GARRE1: variants seen among roughly 807,000 people sequenced by gnomAD.
GARRE1 encodes the protein granule associated Rac and RHOG effector protein 1.
A neutral mutation model predicts 103.2 loss-of-function variants in GARRE1; 49 were observed. The ratio of observed to expected loss-of-function variants is 0.47; its 90% CI spans 0.38 to 0.60. GARRE1 has a LOEUF of 0.60. GARRE1 is among the 20% of genes least tolerant of loss of function. The probability of loss-of-function intolerance (pLI) is 0.00; values close to 1 mark genes in which losing one functional copy is unlikely to be tolerated. For missense variants in GARRE1, 1,199 were observed against 1,370.5 expected (o/e 0.87, Z 1.98); for synonymous variants, 505 against 532.8 (o/e 0.95, Z 0.72).
At chr19:34,283,234 CTTAA>C (rs778054966) in intron 1 of GARRE1, among the ~76,000 whole-genome samples, 15 of 152,268 alleles carry the variant, frequency 9.9e-5, no homozygotes, top group Non-Finnish European at 1.3e-4. Flanking sequence ...GATGGGAAAA[CTTAA>C]TTAATTAATT....
Position 34,352,689 on chromosome 19 carries a change from C to T in GARRE1, c.2947C>T (p.His983Tyr). ...GTGGCCACCCAAAGCACCCTGGCAG[C>T]ACCCTTCCCCGCTTCCCAGCACGCT... ...KTWPPKAPWQ[H>Y]PSPLPSTLPS... The change falls in exon 14 of 14, where the codon CAC becomes TAC. Residue 983 changes from histidine to tyrosine, a missense_variant. By Grantham distance (83) the His-to-Tyr change is moderately conservative. Transcript: ENST00000299505. 1 of 1,613,406 alleles carries T rather than the reference C, an allele frequency of 6.2e-7. No individual in the cohort carries two copies. The highest frequency in any genetic ancestry group is 8.5e-7 in the Non-Finnish European group (1 of 1,179,444).
intron 1 of GARRE1, among the ~76,000 whole-genome samples, chr19:34,292,869 C>T (rs1349701720): frequency 2.0e-5 from 3 of 152,034 alleles, no homozygotes; most frequent in Admixed American, 1.3e-4. Flanking sequence ...CCAAGTCACC[C>T]AGCTAATTTT....
intron 7 of GARRE1, among the ~76,000 whole-genome samples, chr19:34,330,981 C>T (rs1446566654): frequency 1.3e-5 from 2 of 151,064 alleles, no homozygotes; most frequent in Admixed American, 1.3e-4. Context: ...CTCACCACAA[C>T]CTCTGCCTCC....
intron 8 of GARRE1, 101 bp from the exon 9 acceptor site, chr19:34,339,766 G>T (rs1402557727): frequency 2.1e-6 from 3 of 1,433,238 alleles, no homozygotes; most frequent in African/African-American, 2.8e-5. Context: ...TTTGCTGGGC[G>T]CCAGAGGTAC....
chr19:34,355,267 G>C lies in GARRE1; in HGVS notation c.*2312G>C, dbSNP rs1222582059. On this transcript the variant is annotated 3_prime_UTR_variant, in exon 14 of 14. Transcript: ENST00000299505. ...TTGCATCTCCATGGGCTGTGAGACT[G>C]TGTGAAGCCGTTTGTGTGGTCTCCA... The C allele has an allele frequency of 6.6e-6, 1 of 152,478 alleles. No individual in the cohort carries two copies. The highest frequency in any genetic ancestry group is 1.5e-5 in the Non-Finnish European group (1 of 68,040). The allele number at this position is 152,478 out of a possible 1,614,324, so 9.4% of individuals were successfully genotyped here.
intron 6 of GARRE1, among the ~76,000 whole-genome samples, chr19:34,328,999 G>A (rs1378645502): frequency 6.6e-6 from 1 of 152,224 alleles, no homozygotes; most frequent in African/African-American, 2.4e-5. Flanking sequence ...ATGTCTCTCA[G>A]TGGACTTGTA....
Position 34,340,679 on chromosome 19 carries a change from C to T in GARRE1, c.1487+687C>T, listed in dbSNP as rs919076468. Among the ~76,000 whole-genome samples, 5 of 152,004 alleles carry T rather than the reference C, an allele frequency of 3.3e-5. No individual in the cohort carries two copies. In the South Asian group the frequency reaches 8.3e-4, roughly 25 times the overall value. On this transcript the variant is annotated intron_variant, in intron 9 of 13. Transcript: ENST00000299505. Reference sequence around the variant, plus strand: ...CCGAGTAGCTGGGATTACAGGTGTACGCCCAGCTAATTTTTGTATTTTTCA... The same window carrying T: ...CCGAGTAGCTGGGATTACAGGTGTATGCCCAGCTAATTTTTGTATTTTTCA...
chr19:34,286,702 C>T (rs1017368093), intron 1 of GARRE1, among the ~76,000 whole-genome samples: 26 of 151,374 alleles, frequency 1.7e-4, no homozygotes, highest in African/African-American at 4.6e-4. Flanking sequence ...GGGGTTTCAT[C>T]GTGTTAGCCA....
Position 34,352,848 on chromosome 19 carries a change from A to AGGCCCCCCC in GARRE1, c.3106_3107insGGCCCCCCC (p.Thr1036delinsArgProProPro). On this transcript the variant is annotated protein_altering_variant, in exon 14 of 14. Transcript: ENST00000299505. ...TGCCGCTGCCTTCTCCTATGTGCAG[A>AGGCCCCCCC]CCCCACCCCAGCCCCCACCCCCACC... 5.0e-6 allele frequency: 8 copies of AGGCCCCCCC among 1,591,602 alleles called. No individual in the cohort carries two copies. The highest frequency in any genetic ancestry group is 1.1e-5 in the South Asian group (1 of 89,592).
chr19:34,341,944 G>A lies in GARRE1; in HGVS notation c.2010G>A (p.Arg670=). The A allele has an allele frequency of 6.2e-7, 1 of 1,614,202 alleles. No homozygotes were observed. Among genetic ancestry groups the A allele is most frequent in the Non-Finnish European group, 8.5e-7 (1 of 1,180,028 alleles). Residue 670 remains arginine, a synonymous_variant, in exon 10 of 14, where the codon AGG becomes AGA. Coordinates refer to ENST00000299505, the MANE Select transcript of GARRE1 (RefSeq NM_014686.5). Reference sequence around the variant, plus strand: ...ATCAGGGCTCTCCGTTGGTGACAAGGCATAATTCTGCTGCCACAGCCATGG... The same window carrying A: ...ATCAGGGCTCTCCGTTGGTGACAAGACATAATTCTGCTGCCACAGCCATGG... ...QSHQGSPLVT[R]HNSAATAMVT... is the part of the protein sequence containing the mutation.
intron 1 of GARRE1, among the ~76,000 whole-genome samples, chr19:34,274,054 A>G (rs928822030): frequency 1.3e-5 from 2 of 151,944 alleles, no homozygotes; most frequent in Non-Finnish European, 2.9e-5. Flanking sequence ...AGGAGGTAAA[A>G]ACAGTAGCTT....
chr19:34,331,370 G>T (rs1481160039), intron 7 of GARRE1, among the ~76,000 whole-genome samples: 1 of 151,902 alleles, frequency 6.6e-6, no homozygotes, highest in African/African-American at 2.4e-5. Context: ...TCTTCTCTCT[G>T]ATTATCATGT....
intron 8 of GARRE1, 135 bp from the exon 9 acceptor site, chr19:34,339,732 C>T: frequency 9.9e-7 from 1 of 1,006,490 alleles, no homozygotes; most frequent in Non-Finnish European, 1.5e-6. Flanking sequence ...GTTGTTCTCT[C>T]CATGTTCTTA....
intron 11 of GARRE1, chr19:34,348,325 G>C: frequency 3.5e-6 from 1 of 284,858 alleles, no homozygotes; most frequent in Non-Finnish European, 6.5e-6. Flanking sequence ...TTACATGATG[G>C]TGCTTGTGAG....
At chr19:34,304,618 TC>T (rs1222270543) in intron 2 of GARRE1, among the ~76,000 whole-genome samples, 2 of 151,838 alleles carry the variant, frequency 1.3e-5, no homozygotes, top group East Asian at 3.9e-4. Flanking sequence ...CCTCAAGTGA[TC>T]CACCTACCTC....
chr19:34,266,831 A>C (rs2145954793), intron 1 of GARRE1, among the ~76,000 whole-genome samples: 1 of 152,242 alleles, frequency 6.6e-6, no homozygotes, highest in East Asian at 1.9e-4. Context: ...AGTGAGAAAA[A>C]AATTTCTAAA....
chr19:34,268,026 C>T (rs1476231018), intron 1 of GARRE1, among the ~76,000 whole-genome samples: 4 of 151,688 alleles, frequency 2.6e-5, no homozygotes, highest in African/African-American at 9.7e-5. Flanking sequence ...CCCGCCTTGG[C>T]CTCCCAAAGT....
intron 3 of GARRE1, 120 bp downstream of exon 3, chr19:34,320,236 T>C (rs1040426316): frequency 2.7e-5 from 23 of 853,712 alleles, no homozygotes; most frequent in Middle Eastern, 3.6e-4. Flanking sequence ...TAAACTGTTA[T>C]CATTGGCTTG....
chr19:34,320,628 CAG>C (rs1488299082), intron 3 of GARRE1, among the ~76,000 whole-genome samples: 1 of 152,254 alleles, frequency 6.6e-6, no homozygotes, highest in East Asian at 1.9e-4. Context: ...TCAGTGGACA[CAG>C]GGAATTTTGT....
Sources: allele counts gnomAD v4.1 joint callset (sites outside exome capture counted in the v4.1 genomes callset), GRCh38; gene constraint gnomAD v4.1.1; transcripts MANE v1.5; gene names NCBI Gene and HGNC (gene_info 2026-07-23, HGNC 2026-07-21).